The following ATRNL1 variants were observed in gnomAD, a reference collection of about 807,000 sequenced individuals.
ATRNL1 encodes attractin like 1.
A neutral mutation model predicts 182.7 loss-of-function variants in ATRNL1; 95 were observed. The observed-to-expected ratio is 0.52, with a 90% CI of 0.44 to 0.62. The LOEUF (loss-of-function observed/expected upper bound fraction) is 0.62. Ranked by LOEUF, ATRNL1 falls within the 20% of genes least tolerant of loss-of-function variation. The probability of loss-of-function intolerance (pLI) is 0.00; values close to 1 mark genes in which losing one functional copy is unlikely to be tolerated. For missense variants in ATRNL1, 1,471 were observed against 1,679.5 expected (o/e 0.88, Z 2.17); for synonymous variants, 576 against 568.3 (o/e 1.01, Z -0.19).
At chr10:115,618,459 A>T (rs1242312340) in intron 26 of ATRNL1, among the ~76,000 whole-genome samples, 1 of 152,048 alleles carries the variant, frequency 6.6e-6, no homozygotes, top group Non-Finnish European at 1.5e-5. Context: ...TAATGCAAAT[A>T]TTGGAACTTA....
chr10:115,105,634 T>C (rs940096096), intron 1 of ATRNL1, among the ~76,000 whole-genome samples: 2 of 152,224 alleles, frequency 1.3e-5, no homozygotes, highest in South Asian at 4.1e-4. Flanking sequence ...GTATGCAGCC[T>C]AGGGACTTGG....
At position 115,757,923 on chromosome 10, in the gene ATRNL1, C is replaced by G. The variant is rs139257223; in HGVS notation, c.3903+30568C>G. ...ATTTCATTGGGTTGATCTTCAGTCTCTGATATCCTTTCTTCTGCTTGTGAT... is the reference window on the plus strand; with the variant it reads ...ATTTCATTGGGTTGATCTTCAGTCTGTGATATCCTTTCTTCTGCTTGTGAT... On this transcript the variant is annotated intron_variant, in intron 27 of 28. Coordinates refer to ENST00000355044, the MANE Select transcript of ATRNL1 (RefSeq NM_207303.4). Among the ~76,000 whole-genome samples the G allele has an allele frequency of 7.2e-5, 11 of 151,812 alleles. No individual in the cohort carries two copies. In the East Asian group the frequency reaches 2.2e-3, roughly 30 times the overall value.
intron 9 of ATRNL1, among the ~76,000 whole-genome samples, chr10:115,218,296 A>G (rs1389967078): frequency 6.6e-6 from 1 of 152,076 alleles, no homozygotes; most frequent in African/African-American, 2.4e-5. Context: ...CTCCACGAAG[A>G]CAGGATGCTG....
chr10:115,500,950 T>C lies in ATRNL1; in HGVS notation c.3655-18313T>C, dbSNP rs1278169516. Among the ~76,000 whole-genome samples the C allele has an allele frequency of 6.4e-4, 69 of 108,406 alleles. 1 individual carries two copies. Among genetic ancestry groups the C allele is most frequent in the Admixed American group, 3.0e-3 (28 of 9,332 alleles). 71.1% of individuals were successfully genotyped at this position (108,406 alleles called of 152,430 possible). On this transcript the variant is annotated intron_variant, in intron 24 of 28. Coordinates refer to ENST00000355044, the MANE Select transcript of ATRNL1 (RefSeq NM_207303.4). ...TTTTTTTTTTTTTTTTTTTTTGAGATAGAGTTTCGTTCTTGTCGCCCAGGC... is the reference window on the plus strand; with the variant it reads ...TTTTTTTTTTTTTTTTTTTTTGAGACAGAGTTTCGTTCTTGTCGCCCAGGC...
At chr10:115,587,180 A>T (rs61882989) in intron 26 of ATRNL1, among the ~76,000 whole-genome samples, 3 of 146,074 alleles carry the variant, frequency 2.1e-5, no homozygotes, top group Non-Finnish European at 4.6e-5. Context: ...GGACATTTAA[A>T]TCTGCAGAGG....
intron 28 of ATRNL1, among the ~76,000 whole-genome samples, chr10:115,852,988 G>C (rs149905697): frequency 3.5e-4 from 53 of 152,288 alleles, no homozygotes; most frequent in African/African-American, 1.2e-3. Context: ...TCTAGACCTA[G>C]CTCTGCCACT....
At chr10:115,578,946 T>C (rs1334249451) in intron 26 of ATRNL1, among the ~76,000 whole-genome samples, 1 of 151,810 alleles carries the variant, frequency 6.6e-6, no homozygotes, top group African/African-American at 2.4e-5. Flanking sequence ...AAGATAGTTT[T>C]TGATTTTTTT....
intron 19 of ATRNL1, among the ~76,000 whole-genome samples, chr10:115,369,457 T>A (rs1554947325): frequency 1.3e-5 from 2 of 152,160 alleles, no homozygotes; most frequent in Admixed American, 6.5e-5. Flanking sequence ...ATCACTTTTG[T>A]GTAGTATTCA....
At chr10:115,656,020 A>G (rs1860308797) in intron 26 of ATRNL1, among the ~76,000 whole-genome samples, 1 of 152,162 alleles carries the variant, frequency 6.6e-6, no homozygotes, top group Non-Finnish European at 1.5e-5. Flanking sequence ...ATTAACATAA[A>G]TCAGGATCCC....
intron 25 of ATRNL1, among the ~76,000 whole-genome samples, chr10:115,527,910 T>TCCTTCCTC (rs1851315391): frequency 2.2e-5 from 2 of 89,250 alleles, no homozygotes; most frequent in Admixed American, 2.1e-4. Context: ...CTTCCTTCCT[T>TCCTTCCTC]CCTTCCTCCC....
chr10:115,315,775 T>A, intron 18 of ATRNL1, 39 bp downstream of exon 18: 1 of 1,530,786 alleles, frequency 6.5e-7, no homozygotes, highest in Non-Finnish European at 8.9e-7. Flanking sequence ...AGTTTCTGCT[T>A]AAGGGATCCA....
intron 1 of ATRNL1, chr10:115,096,581 T>C: frequency 1.1e-6 from 1 of 893,610 alleles, no homozygotes. Flanking sequence ...TGATCAATCT[T>C]GGTAAGCAGG....
rs114335062 is a variant in ATRNL1 at position 115,178,266 on chromosome 10, C to T, written c.1348+6974C>T. On this transcript the variant is annotated intron_variant, in intron 8 of 28. Coordinates refer to ENST00000355044, the MANE Select transcript of ATRNL1 (RefSeq NM_207303.4). ...AGAGTACAACTTCTAAAAGTGATGT[C>T]GGGTTATCAAGTGCTTAGGTGTGAC... 4.2e-3 allele frequency among the ~76,000 whole-genome samples: 637 copies of T among 151,994 alleles called. 5 individuals carry two copies. The highest frequency in any genetic ancestry group is 0.015 in the African/African-American group (612 of 41,436).
At chr10:115,589,719 T>G (rs1357025726) in intron 26 of ATRNL1, among the ~76,000 whole-genome samples, 1 of 152,208 alleles carries the variant, frequency 6.6e-6, no homozygotes, top group Non-Finnish European at 1.5e-5. Flanking sequence ...ATTGTAACTT[T>G]GAATTATATT....
intron 26 of ATRNL1, among the ~76,000 whole-genome samples, chr10:115,565,856 T>C (rs1555001580): frequency 6.6e-6 from 1 of 152,150 alleles, no homozygotes. Flanking sequence ...AAATGCCAAG[T>C]TATTGCCATA....
chr10:115,310,137 T>G (rs782011939), intron 17 of ATRNL1, among the ~76,000 whole-genome samples: 7 of 152,208 alleles, frequency 4.6e-5, no homozygotes, highest in Non-Finnish European at 8.8e-5. Context: ...TTAATTCATT[T>G]TATATGATGA....
intron 19 of ATRNL1, among the ~76,000 whole-genome samples, chr10:115,372,020 T>C (rs138941153): frequency 1.6e-3 from 245 of 152,296 alleles, no homozygotes; most frequent in African/African-American, 5.6e-3. Context: ...CAAGCTCTCT[T>C]CTTTTGTCTG....
In ATRNL1 at chr10:115,201,299, C is replaced by T. The variant is rs1237553059; in HGVS notation, c.1349-14398C>T. Among the ~76,000 whole-genome samples the T allele has an allele frequency of 1.1e-4, 17 of 152,030 alleles. No individual in the cohort carries two copies. In the East Asian group the frequency reaches 2.5e-3, roughly 23 times the overall value. Reference sequence around the variant, plus strand: ...CTTTTGGTGTTTTAGACATGAAGTCCTTGCCCATGCCTATGTCCTGAATGG... The same window carrying T: ...CTTTTGGTGTTTTAGACATGAAGTCTTTGCCCATGCCTATGTCCTGAATGG... On this transcript the variant is annotated intron_variant, in intron 8 of 28. Transcript: ENST00000355044.
Position 115,756,265 on chromosome 10 carries a change from A to G in ATRNL1, c.3903+28910A>G, listed in dbSNP as rs186972634. On this transcript the variant is annotated intron_variant, in intron 27 of 28. Coordinates refer to ENST00000355044, the MANE Select transcript of ATRNL1 (RefSeq NM_207303.4). Reference sequence around the variant, plus strand: ...TTTTAATTGTGATATTAGGGAGTCAATGTTAGATCTTTCCTGCTTTCTCTT... The same window carrying G: ...TTTTAATTGTGATATTAGGGAGTCAGTGTTAGATCTTTCCTGCTTTCTCTT... 4.4e-4 allele frequency among the ~76,000 whole-genome samples: 67 copies of G among 152,166 alleles called. 1 individual carries two copies. Among genetic ancestry groups the G allele is most frequent in the Non-Finnish European group, 7.5e-4 (51 of 67,994 alleles).
Sources: gnomAD v4.1 joint callset for allele counts (sites outside exome capture counted in the v4.1 genomes callset) on GRCh38, gnomAD v4.1.1 for gene constraint, MANE v1.5 for transcripts, NCBI Gene and HGNC (gene_info 2026-07-23, HGNC 2026-07-21) for gene names.